RABL3: variants seen among roughly 807,000 people sequenced by gnomAD.
RABL3 encodes the protein RAB, member of RAS oncogene family like 3.
Under a neutral mutation model 31.8 loss-of-function variants are expected in RABL3, and 31 were observed. The ratio of observed to expected loss-of-function variants is 0.97; its 90% confidence interval spans 0.73 to 1.31. The LOEUF (loss-of-function observed/expected upper bound fraction) is 1.31. RABL3 is among the 40% of genes most tolerant of loss of function. The pLI, the probability that RABL3 is intolerant of heterozygous loss-of-function variation, is 0.00. For synonymous variants in RABL3, 97 were observed against 99.9 expected (o/e 0.97, Z 0.18); for missense variants, 263 against 279.6 (o/e 0.94, Z 0.42).
Position 120,685,495 on chromosome 3 carries a change from T to C in RABL3, c.*4328A>G, listed in dbSNP as rs1708298743. On this transcript the variant is annotated 3_prime_UTR_variant, in exon 8 of 8. Transcript: ENST00000273375. The stretch of plus-strand genomic sequence containing the variant: ...GCAAGGCACTGGTTAGAAATAAATA[T>C]ATTTGGATTAAAAACAGAACCCAGG... Among the ~76,000 whole-genome samples, 1 of 147,578 alleles carries C rather than the reference T, an allele frequency of 6.8e-6. No homozygotes were observed. The highest frequency in any genetic ancestry group is 2.4e-5 in the African/African-American group (1 of 41,178).
intron 1 of RABL3, chr3:120,738,733 A>C (rs1296501470): frequency 2.0e-5 from 3 of 152,216 alleles, no homozygotes; most frequent in African/African-American, 7.2e-5. Flanking sequence ...CAAAATCTTC[A>C]TAAACATTTA....
intron 1 of RABL3, 130 bp downstream of exon 1, chr3:120,742,332 G>C (rs1709055754): frequency 1.2e-6 from 1 of 842,088 alleles, no homozygotes. Context: ...GGGAAGTGTA[G>C]TCTTCAGGCC....
intron 1 of RABL3, among the ~76,000 whole-genome samples, chr3:120,739,353 G>C (rs1452413863): frequency 6.6e-6 from 1 of 152,098 alleles, no homozygotes; most frequent in Non-Finnish European, 1.5e-5. Flanking sequence ...CTCCAGCCTG[G>C]GTGACAGAGC....
At chr3:120,734,872 C>A (rs1293449987) in intron 1 of RABL3, among the ~76,000 whole-genome samples, 1 of 152,184 alleles carries the variant, frequency 6.6e-6, no homozygotes, top group Non-Finnish European at 1.5e-5. Context: ...GTTGAACCAG[C>A]CTTGCATCCC....
chr3:120,742,356 C>G lies in RABL3; in HGVS notation c.46+106G>C, dbSNP rs1337141036. The G allele has an allele frequency of 2.8e-5, 30 of 1,073,920 alleles. No homozygotes were observed. The Middle Eastern group carries it at 1.4e-3, about 50-fold the overall frequency. The allele number at this position is 1,073,920 out of a possible 1,614,324, so 66.5% of individuals were successfully genotyped here. A position where few individuals can be genotyped will look rare whatever the true frequency, so the allele number is the denominator to read the frequency against. ...AGTCTTCAGGCCCTGGGAGGGACTT[C>G]AGCCACGGGCCGAGGAGCCAGGAAG... On this transcript the variant is annotated intron_variant, in intron 1 of 7. Transcript: ENST00000273375.
chr3:120,692,514 T>G (rs902331847), intron 6 of RABL3, among the ~76,000 whole-genome samples: 1 of 152,194 alleles, frequency 6.6e-6, no homozygotes, highest in African/African-American at 2.4e-5. Flanking sequence ...TAAATCTTTA[T>G]GCTAAATTCT....
intron 5 of RABL3, among the ~76,000 whole-genome samples, chr3:120,694,581 G>C (rs1576330543): frequency 6.6e-6 from 1 of 152,042 alleles, no homozygotes; most frequent in Non-Finnish European, 1.5e-5. Context: ...AGAGAGCCAT[G>C]AAAAACAGTA....
At chr3:120,716,681 G>C (rs981034323) in intron 2 of RABL3, among the ~76,000 whole-genome samples, 6 of 151,758 alleles carry the variant, frequency 4.0e-5, no homozygotes, top group African/African-American at 1.5e-4. Context: ...TGAAAAGTGT[G>C]TATTCATCAA....
At position 120,685,341 on chromosome 3, in the gene RABL3, G is replaced by A. The variant is rs1708296810; in HGVS notation, c.*4482C>T. Among the ~76,000 whole-genome samples the A allele has an allele frequency of 6.6e-6, 1 of 152,178 alleles. No individual in the cohort carries two copies. Among genetic ancestry groups the A allele is most frequent in the African/African-American group, 2.4e-5 (1 of 41,432 alleles). ...CCTGATATACTTGATGGTACTGAGC[G>A]AGGTTTTACACCTTGGTTGGAGTTT... is the stretch of plus-strand genomic sequence containing the variant. On this transcript the variant is annotated 3_prime_UTR_variant, in exon 8 of 8. Coordinates refer to ENST00000273375, the MANE Select transcript of RABL3 (RefSeq NM_173825.5).
intron 2 of RABL3, chr3:120,722,085 C>T (rs904438089): frequency 1.3e-5 from 2 of 152,236 alleles, no homozygotes; most frequent in South Asian, 2.1e-4. Context: ...TCTGGAATAC[C>T]CCGATGTTAT....
chr3:120,726,230 A>G (rs1708819165), intron 2 of RABL3, among the ~76,000 whole-genome samples: 1 of 152,196 alleles, frequency 6.6e-6, no homozygotes, highest in Non-Finnish European at 1.5e-5. Flanking sequence ...GGTGCATTTT[A>G]TAACAAGGGG....
chr3:120,709,948 T>A, intron 2 of RABL3, 39 bp from the exon 3 acceptor site: 1 of 1,477,028 alleles, frequency 6.8e-7, no homozygotes, highest in Non-Finnish European at 9.3e-7. Flanking sequence ...ATATAGCCAC[T>A]AAACAAACTA....
rs138081014 is a variant in RABL3 at position 120,723,531 on chromosome 3, G to A, written c.138+7165C>T. Among the ~76,000 whole-genome samples, 42 of 152,212 alleles carry A rather than the reference G, an allele frequency of 2.8e-4. No homozygotes were observed. The East Asian group carries it at 7.0e-3, about 25-fold the overall frequency. On this transcript the variant is annotated intron_variant, in intron 2 of 7. Transcript: ENST00000273375. ...TTTTGACCAATATCCCTGAGGAACA[G>A]CAATGCAAAAATCCTCAATAAAATA...
At chr3:120,721,409 C>G (rs980879768) in intron 2 of RABL3, among the ~76,000 whole-genome samples, 1 of 152,132 alleles carries the variant, frequency 6.6e-6, no homozygotes, top group Non-Finnish European at 1.5e-5. Context: ...CAAGACCCAT[C>G]AGTGTGCTGT....
At chr3:120,729,825 A>G (rs1708861561) in intron 2 of RABL3, among the ~76,000 whole-genome samples, 1 of 152,164 alleles carries the variant, frequency 6.6e-6, no homozygotes, top group African/African-American at 2.4e-5. Flanking sequence ...AGGAAGGGAT[A>G]GAAGAAATGA....
At chr3:120,742,674 C>T, upstream of RABL3, 1 of 671,822 alleles carries the variant, frequency 1.5e-6, no homozygotes, top group Non-Finnish European at 2.6e-6. Flanking sequence ...TAGCGGGGTG[C>T]TTCCCCAGCT....
intron 1 of RABL3, among the ~76,000 whole-genome samples, chr3:120,739,980 C>T (rs1410627568): frequency 6.6e-6 from 1 of 152,112 alleles, no homozygotes; most frequent in Non-Finnish European, 1.5e-5. Flanking sequence ...GGAATAATGG[C>T]GAATTTCATT....
chr3:120,694,728 T>C (rs1464567251), intron 5 of RABL3, among the ~76,000 whole-genome samples: 4 of 152,130 alleles, frequency 2.6e-5, no homozygotes, highest in African/African-American at 9.6e-5. Context: ...CAAGGATTTC[T>C]CTTTAGATGC....
intron 2 of RABL3, among the ~76,000 whole-genome samples, chr3:120,729,930 G>C: frequency 6.6e-6 from 1 of 151,728 alleles, no homozygotes; most frequent in South Asian, 2.1e-4. Context: ...TCTACACCTA[G>C]ACATAGGTTA....
Sources: allele counts gnomAD v4.1 joint callset (sites outside exome capture counted in the v4.1 genomes callset), GRCh38; gene constraint gnomAD v4.1.1; transcripts MANE v1.5; gene names NCBI Gene and HGNC (gene_info 2026-07-23, HGNC 2026-07-21).